Variants in ETV6 observed in about 807,000 individuals in gnomAD.
ETV6 encodes the protein transcription factor ETV6.
A neutral mutation model predicts 51.1 loss-of-function variants in ETV6; 16 were observed. The observed-to-expected ratio is 0.31, with a 90% CI of 0.21 to 0.48. The LOEUF (loss-of-function observed/expected upper bound fraction) is 0.48. Ranked by LOEUF, ETV6 falls within the 20% of genes least tolerant of loss-of-function variation. ETV6 has a pLI of 0.99. For missense variants in ETV6, 458 were observed against 594.8 expected (o/e 0.77, Z 2.39); for synonymous variants, 240 against 224.1 (o/e 1.07, Z -0.64).
intron 1 of ETV6, among the ~76,000 whole-genome samples, chr12:11,688,922 T>G (rs571062008): frequency 6.6e-6 from 1 of 152,250 alleles, no homozygotes; most frequent in South Asian, 2.1e-4. Context: ...CAAAATAAAG[T>G]GTAAGTGGTG....
chr12:11,726,900 A>C (rs1314298110), intron 1 of ETV6, among the ~76,000 whole-genome samples: 1 of 152,172 alleles, frequency 6.6e-6, no homozygotes, highest in Non-Finnish European at 1.5e-5. Flanking sequence ...CATACACTTC[A>C]CTTCATCTGC....
At chr12:11,660,564 A>G (rs1864082474) in intron 1 of ETV6, among the ~76,000 whole-genome samples, 1 of 128,932 alleles carries the variant, frequency 7.8e-6, no homozygotes, top group African/African-American at 3.0e-5. Context: ...GTGCCACTAC[A>G]CTCCAGCCTG....
intron 1 of ETV6, among the ~76,000 whole-genome samples, chr12:11,732,450 A>G (rs992211062): frequency 6.6e-6 from 1 of 152,218 alleles, no homozygotes; most frequent in South Asian, 2.1e-4. Context: ...AGCTGGAAGT[A>G]GAAAGCAGGA....
chr12:11,860,183 C>T (rs762968296), intron 4 of ETV6, among the ~76,000 whole-genome samples: 5 of 152,158 alleles, frequency 3.3e-5, no homozygotes, highest in Non-Finnish European at 5.9e-5. Context: ...AACAGGTAGA[C>T]GCATTCTTTA....
At position 11,734,112 on chromosome 12, in the gene ETV6, T is replaced by A. The variant is rs558245451; in HGVS notation, c.34-18338T>A. On this transcript the variant is annotated intron_variant, in intron 1 of 7. Transcript: ENST00000396373. ...TTGCAGCATCTTTAAAGGAATCAGA[T>A]CTTTGGATTTCCATTTTCCCATTTT... 1.6e-4 allele frequency among the ~76,000 whole-genome samples: 24 copies of A among 152,308 alleles called. 1 individual carries two copies. In the South Asian group the frequency reaches 5.0e-3, roughly 32 times the overall value.
At position 11,869,354 on chromosome 12, in the gene ETV6, A is replaced by T; in HGVS notation, c.464-70A>T. Reference sequence around the variant, plus strand: ...ACACGCTCCTCCATTTACCGCCTGTAGAGCCGCAGGGAGTTTCCTGTCCTG... The same window carrying T: ...ACACGCTCCTCCATTTACCGCCTGTTGAGCCGCAGGGAGTTTCCTGTCCTG... On this transcript the variant is annotated intron_variant, in intron 4 of 7. Transcript: ENST00000396373. The surrounding 1 kb of genome is among the most constrained non-coding windows in gnomAD (Gnocchi z 5.0). 1.4e-6 allele frequency: 2 copies of T among 1,426,428 alleles called. No individual in the cohort carries two copies. Among genetic ancestry groups the T allele is most frequent in the Non-Finnish European group, 1.9e-6 (2 of 1,043,118 alleles). 88.4% of individuals were successfully genotyped at this position (1,426,428 alleles called of 1,614,324 possible).
intron 1 of ETV6, among the ~76,000 whole-genome samples, chr12:11,715,471 G>A (rs1239959825): frequency 6.6e-6 from 1 of 152,118 alleles, no homozygotes; most frequent in Non-Finnish European, 1.5e-5. Context: ...GGGATGCTAT[G>A]TTTATTTTAG....
intron 2 of ETV6, among the ~76,000 whole-genome samples, chr12:11,781,552 G>A (rs1017266176): frequency 2.6e-5 from 4 of 152,108 alleles, no homozygotes; most frequent in Non-Finnish European, 4.4e-5. Context: ...AGTATTTTTC[G>A]TCTAATATGT....
intron 1 of ETV6, among the ~76,000 whole-genome samples, chr12:11,727,417 T>C (rs1865511435): frequency 6.6e-6 from 1 of 152,178 alleles, no homozygotes; most frequent in Non-Finnish European, 1.5e-5. Context: ...CCTGGGAGCT[T>C]TCTGTTCTAT....
intron 2 of ETV6, among the ~76,000 whole-genome samples, chr12:11,829,617 G>C (rs2855737): frequency 0.29 from 43,765 of 152,062 alleles, 6,727 homozygotes; most frequent in African/African-American, 0.4. Flanking sequence ...GCTGTCAACA[G>C]GTTTTCTGCT....
intron 2 of ETV6, among the ~76,000 whole-genome samples, chr12:11,826,760 G>A (rs1015208947): frequency 2.6e-5 from 4 of 152,206 alleles, no homozygotes; most frequent in African/African-American, 9.7e-5. Context: ...GGGCCTCCCA[G>A]TATGAGCCTT....
intron 2 of ETV6, among the ~76,000 whole-genome samples, chr12:11,762,445 A>G (rs1945101343): frequency 6.6e-6 from 1 of 152,168 alleles, no homozygotes; most frequent in Admixed American, 6.5e-5. Context: ...TGGAGATGGT[A>G]TCCACTGGGT....
rs147239920 is a variant in ETV6, at chr12:11,748,977, C to T, written c.34-3473C>T. The stretch of plus-strand genomic sequence containing the variant: ...TTTCTGCCTTATTTTCTCTTCCCAG[C>T]GCTTTGTGCCGCCTCCTTGACAACC... On this transcript the variant is annotated intron_variant, in intron 1 of 7. Transcript: ENST00000396373. Among the ~76,000 whole-genome samples the T allele has an allele frequency of 2.6e-4, 39 of 152,254 alleles. 1 individual carries two copies. In the South Asian group the frequency reaches 6.4e-3, roughly 25 times the overall value.
chr12:11,842,462 T>C (rs576410725), intron 3 of ETV6, among the ~76,000 whole-genome samples: 2 of 147,220 alleles, frequency 1.4e-5, no homozygotes, highest in Non-Finnish European at 3.0e-5. Flanking sequence ...TGTTTGCTGA[T>C]TGTTTGCTAC....
intron 5 of ETV6, among the ~76,000 whole-genome samples, chr12:11,875,234 C>A (rs141455384): frequency 6.6e-6 from 1 of 152,086 alleles, no homozygotes; most frequent in East Asian, 1.9e-4. Flanking sequence ...ATAAGGAGAA[C>A]TGTTATTAAG....
intron 1 of ETV6, among the ~76,000 whole-genome samples, chr12:11,720,492 T>C (rs1865362386): frequency 6.6e-6 from 1 of 152,196 alleles, no homozygotes; most frequent in Non-Finnish European, 1.5e-5. Context: ...GGACTCCTTA[T>C]TCATAAATGG....
intron 5 of ETV6, among the ~76,000 whole-genome samples, chr12:11,870,567 A>G (rs980218423): frequency 2.6e-5 from 4 of 152,186 alleles, no homozygotes; most frequent in Non-Finnish European, 4.4e-5. Context: ...AGTGGGAAAA[A>G]TATCTACACA....
intron 1 of ETV6, among the ~76,000 whole-genome samples, chr12:11,704,450 G>A (rs1174330275): frequency 2.6e-5 from 4 of 152,066 alleles, no homozygotes; most frequent in Non-Finnish European, 5.9e-5. Flanking sequence ...AGGTTTAAGC[G>A]ATTCTCCTGT....
At chr12:11,855,292 C>T (rs572504657) in intron 4 of ETV6, among the ~76,000 whole-genome samples, 6 of 152,170 alleles carry the variant, frequency 3.9e-5, no homozygotes, top group East Asian at 3.9e-4. Context: ...GGCGACAGAG[C>T]GAGACTCTGT....
Sources: gnomAD v4.1 joint callset for allele counts (sites outside exome capture counted in the v4.1 genomes callset) on GRCh38, gnomAD v4.1.1 for gene constraint, Gnocchi (gnomAD v3.1) non-coding constraint, MANE v1.5 for transcripts, NCBI Gene and HGNC (gene_info 2026-07-23, HGNC 2026-07-21) for gene names.